The following OXCT1 variants were observed in gnomAD, a reference collection of about 807,000 sequenced individuals.
The protein encoded by OXCT1 is succinyl-CoA:3-ketoacid coenzyme A transferase 1, mitochondrial.
A neutral mutation model predicts 69.6 loss-of-function variants in OXCT1; 27 were observed. The observed-to-expected ratio is 0.39, with a 90% CI of 0.29 to 0.54. The LOEUF (loss-of-function observed/expected upper bound fraction) is 0.54. Among genes scored for constraint, OXCT1 ranks in the 20% least tolerant of loss-of-function variants. The pLI is 0.72. For synonymous variants in OXCT1, 202 were observed against 217.8 expected, an observed-to-expected ratio of 0.93 and a Z score of 0.64; for missense variants, 437 against 650.2, an observed-to-expected ratio of 0.67 and a Z score of 3.57.
chr5:41,786,287 G>C (rs1426895574), intron 13 of OXCT1, among the ~76,000 whole-genome samples: 2 of 152,086 alleles, frequency 1.3e-5, no homozygotes, highest in Non-Finnish European at 2.9e-5. Context: ...TATTTTTATG[G>C]ACCAGAGATC....
intron 11 of OXCT1, among the ~76,000 whole-genome samples, chr5:41,800,077 G>A (rs984409572): frequency 6.6e-6 from 1 of 152,158 alleles, no homozygotes; most frequent in Non-Finnish European, 1.5e-5. Context: ...AGTGGTGGCA[G>A]TGTTGCCTCA....
intron 7 of OXCT1, among the ~76,000 whole-genome samples, chr5:41,819,882 T>C (rs1000899423): frequency 2.0e-5 from 3 of 152,258 alleles, no homozygotes; most frequent in African/African-American, 7.2e-5. Flanking sequence ...CTTCCGTAAC[T>C]GGTTACTGCT....
In OXCT1 at chr5:41,842,880, G is replaced by A. The variant is rs1278075820; in HGVS notation, c.565-99C>T. The A allele has an allele frequency of 1.4e-5, 12 of 854,936 alleles. No homozygotes were observed. In the South Asian group the frequency reaches 1.6e-4, roughly 11 times the overall value. 53.0% of individuals were successfully genotyped at this position (854,936 alleles called of 1,614,324 possible). A position where few individuals can be genotyped will look rare whatever the true frequency, so the allele number is the denominator to read the frequency against. On this transcript the variant is annotated intron_variant, in intron 5 of 16. Coordinates refer to ENST00000196371, the MANE Select transcript of OXCT1 (RefSeq NM_000436.4). ...TAGATAATAAGGATACAAGCCTACTGAGGGAAAATTTCTCAGAGGGAAAAG... is the reference window on the plus strand; with the variant it reads ...TAGATAATAAGGATACAAGCCTACTAAGGGAAAATTTCTCAGAGGGAAAAG...
intron 14 of OXCT1, among the ~76,000 whole-genome samples, chr5:41,750,655 C>T (rs1743736813): frequency 6.6e-6 from 1 of 152,098 alleles, no homozygotes; most frequent in Non-Finnish European, 1.5e-5. Flanking sequence ...TAAATGCACA[C>T]CTACTATCTA....
At chr5:41,766,019 G>A (rs1372877229) in intron 13 of OXCT1, among the ~76,000 whole-genome samples, 2 of 152,118 alleles carry the variant, frequency 1.3e-5, no homozygotes, top group African/African-American at 4.8e-5. Context: ...CTATAATGAA[G>A]AAGAGCTTCT....
intron 3 of OXCT1, 46 bp downstream of exon 3, chr5:41,861,268 A>C (rs1402705492): frequency 8.7e-7 from 1 of 1,144,394 alleles, no homozygotes; most frequent in Non-Finnish European, 1.3e-6. Context: ...AAATATTAAG[A>C]ATTGGCATTT....
chr5:41,862,009 G>A (rs949190093), intron 2 of OXCT1, among the ~76,000 whole-genome samples: 2 of 152,258 alleles, frequency 1.3e-5, no homozygotes, highest in East Asian at 3.9e-4. Flanking sequence ...TCAGGAGTTT[G>A]AAACCAGACT....
chr5:41,743,826 T>G (rs1475082970), intron 15 of OXCT1, among the ~76,000 whole-genome samples: 2 of 152,224 alleles, frequency 1.3e-5, no homozygotes, highest in African/African-American at 2.4e-5. Context: ...TCTGTTCTGT[T>G]CCATTGGTCT....
chr5:41,774,677 C>T (rs545125231), intron 13 of OXCT1, among the ~76,000 whole-genome samples: 55 of 152,228 alleles, frequency 3.6e-4, no homozygotes, highest in Admixed American at 1.4e-3. Flanking sequence ...AGGTGGATCA[C>T]GAGGTCAGGA....
At chr5:41,780,293 T>C (rs1314076529) in intron 13 of OXCT1, among the ~76,000 whole-genome samples, 1 of 152,146 alleles carries the variant, frequency 6.6e-6, no homozygotes, top group Non-Finnish European at 1.5e-5. Flanking sequence ...AAAAACTGAT[T>C]CAACATCAAT....
chr5:41,752,806 T>C (rs1419780886), intron 14 of OXCT1, among the ~76,000 whole-genome samples: 10 of 152,034 alleles, frequency 6.6e-5, no homozygotes, highest in Non-Finnish European at 7.4e-5. Flanking sequence ...GATTTCAATA[T>C]GCCCTTACTT....
At position 41,796,149 on chromosome 5, in the gene OXCT1, A is replaced by G. The variant is rs80312152; in HGVS notation, c.1100-1400T>C. ...GGACATCTCCCAAGACTTACATCTC[A>G]TAATGAGGTTCAGAGCTGGAAAAGA... On this transcript the variant is annotated intron_variant, in intron 11 of 16. Transcript: ENST00000196371. Among the ~76,000 whole-genome samples the G allele has an allele frequency of 8.2e-3, 1,251 of 152,304 alleles. 20 individuals carry two copies. Among genetic ancestry groups the G allele is most frequent in the African/African-American group, 0.029 (1,203 of 41,576 alleles).
intron 13 of OXCT1, among the ~76,000 whole-genome samples, chr5:41,774,315 A>G (rs889464311): frequency 6.6e-5 from 10 of 152,198 alleles, no homozygotes; most frequent in Non-Finnish European, 1.5e-4. Flanking sequence ...CATATATTAC[A>G]TAGCTCTGTC....
chr5:41,801,650 G>A (rs926570780), intron 10 of OXCT1, among the ~76,000 whole-genome samples: 3 of 152,120 alleles, frequency 2.0e-5, no homozygotes, highest in African/African-American at 7.2e-5. Context: ...GAAGGACCTG[G>A]AGAGGCAAAG....
chr5:41,753,205 G>A (rs895507230), intron 14 of OXCT1, among the ~76,000 whole-genome samples: 4 of 151,860 alleles, frequency 2.6e-5, no homozygotes, highest in African/African-American at 9.7e-5. Context: ...TTAAGACTGT[G>A]CTTTATACAA....
At chr5:41,797,417 T>C (rs1220740322) in intron 11 of OXCT1, among the ~76,000 whole-genome samples, 1 of 152,208 alleles carries the variant, frequency 6.6e-6, no homozygotes, top group East Asian at 1.9e-4. Flanking sequence ...ATCCAATATC[T>C]AAACAAAAAT....
intron 13 of OXCT1, among the ~76,000 whole-genome samples, chr5:41,781,250 C>T (rs938243746): frequency 1.3e-5 from 2 of 152,076 alleles, no homozygotes; most frequent in Non-Finnish European, 2.9e-5. Context: ...TAAAAACATT[C>T]TCTGTACAGG....
intron 7 of OXCT1, among the ~76,000 whole-genome samples, chr5:41,820,704 T>C (rs1012226706): frequency 1.2e-4 from 18 of 152,216 alleles, no homozygotes; most frequent in East Asian, 5.8e-4. Context: ...AGTCTCTTTG[T>C]TCCATGCAGA....
At chr5:41,779,819 T>C (rs1240506393) in intron 13 of OXCT1, among the ~76,000 whole-genome samples, 1 of 151,342 alleles carries the variant, frequency 6.6e-6, no homozygotes, top group African/African-American at 2.4e-5. Flanking sequence ...AAAACACTTA[T>C]GAAAAATTAC....
Sources: allele counts gnomAD v4.1 joint callset (sites outside exome capture counted in the v4.1 genomes callset), GRCh38; gene constraint gnomAD v4.1.1; transcripts MANE v1.5; gene names NCBI Gene and HGNC (gene_info 2026-07-23, HGNC 2026-07-21).